XYLT1: variants seen among roughly 807,000 people sequenced by gnomAD.
XYLT1 encodes xylosyltransferase 1, also known as beta-D-xylosyltransferase 1.
A neutral mutation model predicts 91.3 loss-of-function variants in XYLT1; 36 were observed. The ratio of observed to expected loss-of-function variants is 0.39; its 90% confidence interval spans 0.30 to 0.52. The LOEUF (loss-of-function observed/expected upper bound fraction) is 0.52, where lower values mean the gene tolerates loss of function less well. XYLT1 is among the 20% of genes least tolerant of loss of function. The pLI is 0.68. For missense variants in XYLT1, 1,242 were observed against 1,284.5 expected, an observed-to-expected ratio of 0.97 and a Z score of 0.51; for synonymous variants, 588 against 532.0, an observed-to-expected ratio of 1.11 and a Z score of -1.45.
intron 2 of XYLT1, among the ~76,000 whole-genome samples, chr16:17,327,698 T>C (rs553271558): frequency 6.7e-6 from 1 of 149,258 alleles, no homozygotes; most frequent in Non-Finnish European, 1.5e-5. Context: ...TGCCTTTTCA[T>C]AATTGATCAC....
chr16:17,222,314 A>G (rs1348663955), intron 3 of XYLT1, among the ~76,000 whole-genome samples: 1 of 152,224 alleles, frequency 6.6e-6, no homozygotes, highest in Admixed American at 6.5e-5. Flanking sequence ...ATTTGTCACA[A>G]CTGGAAGAAA....
chr16:17,357,046 G>A (rs935792978), intron 2 of XYLT1, among the ~76,000 whole-genome samples: 66 of 151,640 alleles, frequency 4.4e-4, no homozygotes, highest in Middle Eastern at 3.4e-3. Context: ...GCGTGGCAGC[G>A]TGCGCCTGTA....
chr16:17,387,072 A>G (rs7189565), intron 1 of XYLT1, among the ~76,000 whole-genome samples: 32,504 of 152,070 alleles, frequency 0.21, 5,469 homozygotes, highest in African/African-American at 0.47. Context: ...GCAGAAGAAG[A>G]GGATATCAAG....
intron 3 of XYLT1, among the ~76,000 whole-genome samples, chr16:17,215,633 A>G (rs2032841611): frequency 6.6e-6 from 1 of 152,190 alleles, no homozygotes; most frequent in Non-Finnish European, 1.5e-5. Context: ...ACTAATATAC[A>G]ACTCAAGGAG....
intron 1 of XYLT1, among the ~76,000 whole-genome samples, chr16:17,402,287 T>C (rs914995818): frequency 4.0e-5 from 6 of 150,788 alleles, no homozygotes; most frequent in Non-Finnish European, 8.8e-5. Flanking sequence ...CCCACTGTAC[T>C]CCAGCCTGGG....
At chr16:17,341,042 C>T (rs1240961981) in intron 2 of XYLT1, among the ~76,000 whole-genome samples, 1 of 152,176 alleles carries the variant, frequency 6.6e-6, no homozygotes, top group African/African-American at 2.4e-5. Flanking sequence ...CAGGAAACCA[C>T]GTAAGGCTTT....
intron 2 of XYLT1, among the ~76,000 whole-genome samples, chr16:17,345,637 C>G (rs1270205198): frequency 1.3e-5 from 2 of 152,236 alleles, no homozygotes; most frequent in Non-Finnish European, 2.9e-5. Context: ...AAAAGCCTTT[C>G]TCAAAGGTGA....
At chr16:17,127,572 C>G in intron 10 of XYLT1, 94 bp downstream of exon 10, 1 of 1,436,062 alleles carries the variant, frequency 7.0e-7, no homozygotes, top group Non-Finnish European at 9.4e-7. Context: ...TCCTCTTCTC[C>G]TCCATCTCCA....
chr16:17,407,282 A>T (rs2036045899), intron 1 of XYLT1, among the ~76,000 whole-genome samples: 1 of 152,180 alleles, frequency 6.6e-6, no homozygotes, highest in South Asian at 2.1e-4. Context: ...TACAGGCAGG[A>T]GCCACTGCGT....
intron 2 of XYLT1, among the ~76,000 whole-genome samples, chr16:17,292,134 A>G (rs2034239053): frequency 6.6e-6 from 1 of 152,042 alleles, no homozygotes; most frequent in Non-Finnish European, 1.5e-5. Context: ...GTGTGTGTCT[A>G]TATATATGTT....
intron 2 of XYLT1, among the ~76,000 whole-genome samples, chr16:17,323,660 G>A (rs1322987210): frequency 6.6e-6 from 1 of 152,142 alleles, no homozygotes; most frequent in East Asian, 1.9e-4. Flanking sequence ...GGTTGATGGG[G>A]CCTGAGGAAT....
intron 2 of XYLT1, among the ~76,000 whole-genome samples, chr16:17,288,547 T>C (rs2034174864): frequency 6.6e-6 from 1 of 152,178 alleles, no homozygotes. Flanking sequence ...CAATGTGCCC[T>C]GCTGCTTCTC....
chr16:17,258,441 G>A (rs1171656473), intron 3 of XYLT1, among the ~76,000 whole-genome samples: 1 of 150,972 alleles, frequency 6.6e-6, no homozygotes, highest in Non-Finnish European at 1.5e-5. Context: ...GGAAGGAAGG[G>A]AGGAAAAAGG....
intron 1 of XYLT1, among the ~76,000 whole-genome samples, chr16:17,467,595 T>C (rs1033289303): frequency 3.9e-5 from 6 of 152,168 alleles, no homozygotes; most frequent in African/African-American, 1.4e-4. Flanking sequence ...TCTGACTCTG[T>C]CTACTTGAGA....
chr16:17,452,214 T>C (rs1471437581), intron 1 of XYLT1, among the ~76,000 whole-genome samples: 2 of 152,182 alleles, frequency 1.3e-5, no homozygotes, highest in Non-Finnish European at 2.9e-5. Flanking sequence ...GAATTAATAC[T>C]ATCGTGTTTG....
At chr16:17,113,969 G>A (rs1434373874) in intron 11 of XYLT1, among the ~76,000 whole-genome samples, 1 of 151,654 alleles carries the variant, frequency 6.6e-6, no homozygotes, top group Non-Finnish European at 1.5e-5. Flanking sequence ...CAATGCCATG[G>A]GGACAGATTC....
intron 5 of XYLT1, among the ~76,000 whole-genome samples, chr16:17,186,039 A>G (rs1206597889): frequency 6.6e-6 from 1 of 152,188 alleles, no homozygotes; most frequent in African/African-American, 2.4e-5. Flanking sequence ...AGAGAGAGAA[A>G]TTGATTCTTG....
chr16:17,319,270 T>A (rs150676982), intron 2 of XYLT1, among the ~76,000 whole-genome samples: 13 of 152,290 alleles, frequency 8.5e-5, no homozygotes, highest in African/African-American at 2.2e-4. Context: ...TAATAAATGA[T>A]CTTGAAACAT....
chr16:17,227,818 A>C (rs973902216), intron 3 of XYLT1: 2 of 152,434 alleles, frequency 1.3e-5, no homozygotes, highest in Admixed American at 6.5e-5. Flanking sequence ...AGGGCAGAGC[A>C]GGAGGCTGGG....
Sources: gnomAD v4.1 joint callset for allele counts (sites outside exome capture counted in the v4.1 genomes callset) on GRCh38, gnomAD v4.1.1 for gene constraint, MANE v1.5 for transcripts, NCBI Gene and HGNC (gene_info 2026-07-23, HGNC 2026-07-21) for gene names.